UBR1: variants seen among roughly 807,000 people sequenced by gnomAD.
The protein encoded by UBR1 is ubiquitin protein ligase E3 component n-recognin 1.
A neutral mutation model predicts 242.1 loss-of-function variants in UBR1; 102 were observed. The observed-to-expected ratio is 0.42, with a 90% CI of 0.36 to 0.50. The LOEUF (loss-of-function observed/expected upper bound fraction) is 0.50, where lower values mean the gene tolerates loss of function less well. Among genes scored for constraint, UBR1 ranks in the 20% least tolerant of loss-of-function variants. The pLI is 0.01. For missense variants in UBR1, 1,772 were observed against 2,101.8 expected (o/e 0.84, Z 3.07); for synonymous variants, 675 against 684.8 (o/e 0.99, Z 0.22).
At chr15:42,980,565 T>C (rs1206505948) in intron 37 of UBR1, among the ~76,000 whole-genome samples, 1 of 152,306 alleles carries the variant, frequency 6.6e-6, no homozygotes, top group East Asian at 1.9e-4. Context: ...CACATGGCAG[T>C]GAGCATTGTA....
At position 43,019,012 on chromosome 15, in the gene UBR1, C is replaced by T. The variant is rs115552738; in HGVS notation, c.2941-1831G>A. On this transcript the variant is annotated intron_variant, in intron 27 of 46. Coordinates refer to ENST00000290650, the MANE Select transcript of UBR1 (RefSeq NM_174916.3). Reference sequence around the variant, plus strand: ...TAAAATAATATTGGCTAGTTTAACACAAATACTACATATTCATAAAATCTA... The same window carrying T: ...TAAAATAATATTGGCTAGTTTAACATAAATACTACATATTCATAAAATCTA... Among the ~76,000 whole-genome samples the T allele has an allele frequency of 2.3e-3, 354 of 152,196 alleles. 2 individuals are homozygous for T. Among genetic ancestry groups the T allele is most frequent in the African/African-American group, 8.3e-3 (343 of 41,556 alleles).
Position 42,973,642 on chromosome 15 carries a change from G to A in UBR1, c.4370-3035C>T, listed in dbSNP as rs960512173. Among the ~76,000 whole-genome samples the A allele has an allele frequency of 2.6e-5, 4 of 151,940 alleles. No homozygotes were observed. In the South Asian group the frequency reaches 8.3e-4, roughly 32 times the overall value. ...TTGTTTTCTTATTGTTGAGTGTTAA[G>A]AGTTCTTTGTATACTTTGGATAACA... is the stretch of plus-strand genomic sequence containing the variant. On this transcript the variant is annotated intron_variant, in intron 39 of 46. Transcript: ENST00000290650.
chr15:43,082,793 T>A (rs1236645375), intron 2 of UBR1, 77 bp from the exon 3 acceptor site: 5 of 1,073,078 alleles, frequency 4.7e-6, no homozygotes, highest in Non-Finnish European at 7.2e-6. Flanking sequence ...TAATACAATG[T>A]GAACAAGTTT....
At chr15:42,976,035 A>T (rs1046129770) in intron 39 of UBR1, among the ~76,000 whole-genome samples, 1 of 152,172 alleles carries the variant, frequency 6.6e-6, no homozygotes, top group African/African-American at 2.4e-5. Context: ...TTTGCTTCCT[A>T]TTAAAAACCA....
chr15:42,989,295 A>G (rs2032520772), intron 34 of UBR1, among the ~76,000 whole-genome samples: 1 of 152,254 alleles, frequency 6.6e-6, no homozygotes, highest in African/African-American at 2.4e-5. Flanking sequence ...CACAGAAAGA[A>G]TAAAATTCAG....
At chr15:43,028,486 C>T (rs2033206087) in intron 21 of UBR1, among the ~76,000 whole-genome samples, 1 of 152,068 alleles carries the variant, frequency 6.6e-6, no homozygotes, top group African/African-American at 2.4e-5. Flanking sequence ...GTGGCTCACA[C>T]CTGTAATCCC....
At position 43,000,873 on chromosome 15, in the gene UBR1, G is replaced by A. The variant is rs540641720; in HGVS notation, c.3659+1682C>T. Among the ~76,000 whole-genome samples the A allele has an allele frequency of 1.2e-3, 183 of 152,072 alleles. 1 individual carries two copies. Among genetic ancestry groups the A allele is most frequent in the Non-Finnish European group, 2.2e-3 (150 of 67,990 alleles). On this transcript the variant is annotated intron_variant, in intron 32 of 46. Coordinates refer to ENST00000290650, the MANE Select transcript of UBR1 (RefSeq NM_174916.3). ...TTTTGACACAGAGTGTAGCTCTGTC[G>A]CCCAGGCTGGAGTGCAATGGTATGG... is the stretch of plus-strand genomic sequence containing the variant.
At chr15:43,089,467 C>T (rs59175105) in intron 1 of UBR1, among the ~76,000 whole-genome samples, 1,982 of 152,186 alleles carry the variant, frequency 0.013, 43 homozygotes, top group African/African-American at 0.044. Context: ...TGCATTCCAG[C>T]CTGGGCGACA....
chr15:43,014,489 C>T (rs536577051), intron 29 of UBR1, among the ~76,000 whole-genome samples: 26 of 152,058 alleles, frequency 1.7e-4, no homozygotes, highest in Non-Finnish European at 3.4e-4. Context: ...GCGTCTCTGC[C>T]GGGCCACCCA....
At chr15:42,952,151 A>G in intron 45 of UBR1, 127 bp downstream of exon 45, 1 of 1,169,946 alleles carries the variant, frequency 8.5e-7, no homozygotes, top group Non-Finnish European at 1.3e-6. Context: ...TCATGTCAAT[A>G]ACAGGTTAAT....
intron 1 of UBR1, among the ~76,000 whole-genome samples, chr15:43,086,500 C>G (rs1331494305): frequency 1.3e-5 from 2 of 150,512 alleles, no homozygotes; most frequent in African/African-American, 2.4e-5. Flanking sequence ...TCTGAAATGG[C>G]CAATTCCTGC....
At chr15:43,093,987 A>G (rs187983762) in intron 1 of UBR1, among the ~76,000 whole-genome samples, 3 of 152,214 alleles carry the variant, frequency 2.0e-5, no homozygotes, top group African/African-American at 7.2e-5. Context: ...ACTGAAAAAA[A>G]GAGAATAAAG....
intron 22 of UBR1, 128 bp from the exon 23 acceptor site, chr15:43,026,791 G>C (rs1340105754): frequency 1.3e-6 from 1 of 755,864 alleles, no homozygotes; most frequent in East Asian, 2.8e-5. Flanking sequence ...TTTAGCTTAT[G>C]AAAAATTCCA....
chr15:42,952,550 C>T, intron 44 of UBR1, 102 bp from the exon 45 acceptor site: 1 of 1,297,376 alleles, frequency 7.7e-7, no homozygotes, highest in South Asian at 1.2e-5. Context: ...CATCACTGAC[C>T]CCTTTCCAGC....
rs1381256193 is a variant in UBR1 at position 43,036,517 on chromosome 15, T to TA, written c.2088+10dup. 7.0e-6 allele frequency: 11 copies of TA among 1,578,052 alleles called. No individual in the cohort carries two copies. The highest frequency in any genetic ancestry group is 8.7e-6 in the Non-Finnish European group (10 of 1,148,110). On this transcript the variant is annotated intron_variant, in intron 18 of 46. Transcript: ENST00000290650. ...GAAGACACAAATATCAGAAACAATT[T>TA]AAATAGGTACCTGAAGCATGATGAT...
chr15:43,028,884 G>C (rs1186294355), intron 21 of UBR1, among the ~76,000 whole-genome samples: 1 of 152,056 alleles, frequency 6.6e-6, no homozygotes, highest in Non-Finnish European at 1.5e-5. Context: ...AGGAGTTCCA[G>C]ACCAGCCTGG....
At chr15:43,004,917 C>T (rs1163029446) in intron 30 of UBR1, among the ~76,000 whole-genome samples, 2 of 151,818 alleles carry the variant, frequency 1.3e-5, no homozygotes, top group Admixed American at 1.3e-4. Flanking sequence ...CAGCCGCCAT[C>T]CCGTCTAGGA....
At chr15:42,991,476 G>A (rs145021664) in intron 33 of UBR1, among the ~76,000 whole-genome samples, 1 of 151,974 alleles carries the variant, frequency 6.6e-6, no homozygotes, top group East Asian at 1.9e-4. Context: ...GAGATTTACT[G>A]AACTTCTTGA....
intron 29 of UBR1, among the ~76,000 whole-genome samples, chr15:43,012,459 G>T (rs912030635): frequency 1.3e-5 from 2 of 152,180 alleles, no homozygotes; most frequent in African/African-American, 4.8e-5. Context: ...AGAAAGATCA[G>T]TAATGCAGAG....
Sources: allele counts gnomAD v4.1 joint callset (sites outside exome capture counted in the v4.1 genomes callset), GRCh38; gene constraint gnomAD v4.1.1; transcripts MANE v1.5; gene names NCBI Gene and HGNC (gene_info 2026-07-23, HGNC 2026-07-21).